The following KYAT3 variants were observed in gnomAD, a reference collection of about 807,000 sequenced individuals.
KYAT3 encodes the protein kynurenine--oxoglutarate transaminase 3.
Under a neutral mutation model 59.0 loss-of-function variants are expected in KYAT3, and 50 were observed. That is an observed-to-expected ratio of 0.85 (90% CI 0.68 to 1.07). KYAT3 has a LOEUF of 1.07. Among genes scored for constraint, KYAT3 ranks in the 50% least tolerant of loss-of-function variants. The pLI, the probability that KYAT3 is intolerant of heterozygous loss-of-function variation, is 0.00. For missense variants in KYAT3, 497 were observed against 533.3 expected, an observed-to-expected ratio of 0.93 and a Z score of 0.67; for synonymous variants, 148 against 177.0, an observed-to-expected ratio of 0.84 and a Z score of 1.30.
At chr1:88,991,359 T>C (rs190447239) in intron 1 of KYAT3, among the ~76,000 whole-genome samples, 126 of 152,260 alleles carry the variant, frequency 8.3e-4, no homozygotes, top group Non-Finnish European at 1.3e-3. Flanking sequence ...GTCCAGAACA[T>C]CTGGGTTAAC....
At chr1:88,928,664 C>T in the KYAT3 span, among the ~76,000 whole-genome samples, 20 of 152,176 alleles carry the variant, frequency 1.3e-4, no homozygotes, top group Admixed American at 3.3e-4. Context: ...TGAGGGTGCC[C>T]GGGGCAAGTG....
At chr1:88,983,132 C>T (rs768831072) in intron 2 of KYAT3, 2 of 1,612,408 alleles carry the variant, frequency 1.2e-6, no homozygotes, top group Non-Finnish European at 1.7e-6. Context: ...TGCATAATCT[C>T]TTGTATCACG....
At chr1:88,982,911 C>T in intron 2 of KYAT3, 2 of 1,613,996 alleles carry the variant, frequency 1.2e-6, no homozygotes, top group Non-Finnish European at 1.7e-6. Context: ...CGACTGCTTC[C>T]ACCATAAGAT....
At chr1:88,989,132 T>G (rs1677637772) in intron 1 of KYAT3, among the ~76,000 whole-genome samples, 1 of 152,236 alleles carries the variant, frequency 6.6e-6, no homozygotes, top group Non-Finnish European at 1.5e-5. Context: ...GTTGTTCTCT[T>G]AAGTCTACTG....
chr1:88,982,157 T>C (rs984783478), intron 2 of KYAT3: 1 of 930,396 alleles, frequency 1.1e-6, no homozygotes, highest in Admixed American at 5.9e-5. Context: ...CATAGGCATC[T>C]GATTTCAGGT....
chr1:88,957,811 A>G (rs968561068), intron 8 of KYAT3, among the ~76,000 whole-genome samples: 1 of 152,196 alleles, frequency 6.6e-6, no homozygotes, highest in Non-Finnish European at 1.5e-5. Context: ...TGAGTTAATT[A>G]CAACAAGAAA....
intron 12 of KYAT3, 32 bp from the exon 13 acceptor site, chr1:88,943,123 A>T: frequency 6.8e-7 from 1 of 1,464,392 alleles, no homozygotes; most frequent in Middle Eastern, 1.8e-4. Flanking sequence ...ATAATAAGAA[A>T]ACTACTTACA....
chr1:88,931,207 A>G (rs1674900344), downstream of KYAT3, among the ~76,000 whole-genome samples: 1 of 152,204 alleles, frequency 6.6e-6, no homozygotes, highest in South Asian at 2.1e-4. Context: ...TTTCAAAACT[A>G]TCAAGCAGAT....
At chr1:88,989,848 T>C (rs537149534) in intron 1 of KYAT3, among the ~76,000 whole-genome samples, 9 of 152,288 alleles carry the variant, frequency 5.9e-5, no homozygotes, top group African/African-American at 2.2e-4. Flanking sequence ...GCACATTACC[T>C]CCATCATGCA....
rs1675031481 is a variant in KYAT3, at chr1:88,936,215, T to C, written c.1333A>G (p.Ile445Val). 2.5e-6 allele frequency: 4 copies of C among 1,611,674 alleles called. No homozygotes were observed. Among genetic ancestry groups the C allele is most frequent in the Non-Finnish European group, 2.5e-6 (3 of 1,178,250 alleles). Reference protein sequence around the residue: ...KDSTLDAAEEIIKAWSVQKS With the variant: ...KDSTLDAAEEVIKAWSVQKS ...TTCTGTACACTCCATGCCTTGATGA[T>C]TTCTTCAGCAGCATCCAGTGTGCTG... is the stretch of plus-strand genomic sequence containing the variant. The change falls in exon 14 of 14, where the codon ATC becomes GTC. Residue 445 changes from isoleucine to valine, a missense_variant. Ile to Val is a conservative substitution (Grantham distance 29, BLOSUM62 3). This residue lies in a region of KYAT3 where 28 missense variants were observed against 54.2 expected (regional missense o/e 0.52). Coordinates refer to ENST00000260508, the MANE Select transcript of KYAT3 (RefSeq NM_001008661.3).
chr1:88,982,876 A>C, intron 2 of KYAT3: 2 of 1,613,938 alleles, frequency 1.2e-6, no homozygotes, highest in Non-Finnish European at 1.7e-6. Flanking sequence ...CATATCCATC[A>C]CGTGAGCTGC....
intron 2 of KYAT3, among the ~76,000 whole-genome samples, chr1:88,987,944 G>A (rs1450809622): frequency 6.6e-6 from 1 of 152,184 alleles, no homozygotes; most frequent in Non-Finnish European, 1.5e-5. Flanking sequence ...TCCCTGAGCA[G>A]TCCTCCTGAA....
At chr1:88,940,591 T>C (rs919090869) in intron 13 of KYAT3, among the ~76,000 whole-genome samples, 1 of 152,170 alleles carries the variant, frequency 6.6e-6, no homozygotes, top group Admixed American at 6.5e-5. Flanking sequence ...ACAGTTGATG[T>C]AGGGTTCAGT....
At chr1:88,938,980 G>A (rs1404471627) in intron 13 of KYAT3, among the ~76,000 whole-genome samples, 1 of 152,184 alleles carries the variant, frequency 6.6e-6, no homozygotes, top group Non-Finnish European at 1.5e-5. Context: ...TTGGATCAAA[G>A]GGTATGGGAA....
the KYAT3 span, among the ~76,000 whole-genome samples, chr1:88,930,490 C>T: frequency 6.6e-6 from 1 of 152,130 alleles, no homozygotes; most frequent in African/African-American, 2.4e-5. Context: ...TGACTGATCC[C>T]CACCTCAACT....
chr1:88,978,406 A>T (rs1246679258), intron 2 of KYAT3, among the ~76,000 whole-genome samples: 2 of 151,810 alleles, frequency 1.3e-5, no homozygotes, highest in African/African-American at 4.8e-5. Flanking sequence ...TGCCACCATC[A>T]TGGCTCACTG....
At chr1:88,944,551 G>A (rs369920879) in intron 11 of KYAT3, among the ~76,000 whole-genome samples, 9 of 152,320 alleles carry the variant, frequency 5.9e-5, no homozygotes, top group East Asian at 1.9e-4. Context: ...CCACAATTCT[G>A]AGAGGTAATG....
intron 10 of KYAT3, among the ~76,000 whole-genome samples, chr1:88,952,217 A>G (rs890920474): frequency 1.3e-5 from 2 of 152,226 alleles, no homozygotes; most frequent in Non-Finnish European, 2.9e-5. Flanking sequence ...TGGATAGATC[A>G]TGGTTTATGT....
At chr1:88,951,742 T>A (rs975419205) in intron 10 of KYAT3, among the ~76,000 whole-genome samples, 3 of 152,152 alleles carry the variant, frequency 2.0e-5, no homozygotes, top group Non-Finnish European at 4.4e-5. Context: ...AGTATTTCCC[T>A]ATTTTCTTTC....
Sources: gnomAD v4.1 joint callset for allele counts (sites outside exome capture counted in the v4.1 genomes callset) on GRCh38, gnomAD v4.1.1 for gene constraint, gnomAD v4.1.1 regional missense constraint, MANE v1.5 for transcripts, NCBI Gene and HGNC (gene_info 2026-07-23, HGNC 2026-07-21) for gene names.